The following COL19A1 variants were observed in gnomAD, a reference collection of about 807,000 sequenced individuals.
COL19A1 encodes collagen alpha-1(XIX) chain.
Under a neutral mutation model 190.2 loss-of-function variants are expected in COL19A1, and 159 were observed. The observed-to-expected ratio is 0.84, with a 90% CI of 0.73 to 0.95. COL19A1 has a LOEUF of 0.95. Among genes scored for constraint, COL19A1 ranks in the 40% least tolerant of loss-of-function variants. COL19A1 has a pLI of 0.00. For synonymous variants in COL19A1, 509 were observed against 458.9 expected (o/e 1.11, Z -1.39); for missense variants, 1,418 against 1,431.9 (o/e 0.99, Z 0.16).
intron 31 of COL19A1, 65 bp from the exon 32 acceptor site, chr6:70,156,062 T>G (rs1787409526): frequency 4.8e-6 from 7 of 1,453,956 alleles, no homozygotes; most frequent in African/African-American, 2.8e-5. Flanking sequence ...TCACATCACA[T>G]GAAACCTCAC....
At chr6:70,061,093 T>TTA (rs1780802686) in intron 14 of COL19A1, among the ~76,000 whole-genome samples, 1 of 152,168 alleles carries the variant, frequency 6.6e-6, no homozygotes, top group African/African-American at 2.4e-5. Flanking sequence ...AATCCACTGT[T>TTA]TGACTTTACT....
intron 15 of COL19A1, among the ~76,000 whole-genome samples, chr6:70,075,333 T>A (rs1189863615): frequency 6.6e-6 from 1 of 152,214 alleles, no homozygotes; most frequent in East Asian, 1.9e-4. Flanking sequence ...TCCCTGCATC[T>A]CTGTTTGCAG....
At chr6:70,142,653 A>G (rs547423271) in intron 22 of COL19A1, 114 bp from the exon 23 acceptor site, 1 of 807,808 alleles carries the variant, frequency 1.2e-6, no homozygotes, top group Admixed American at 2.7e-5. Flanking sequence ...GGATGGTGGA[A>G]AGTTGGTCTT....
At chr6:69,967,979 T>G (rs1318349144) in intron 11 of COL19A1, among the ~76,000 whole-genome samples, 1 of 152,192 alleles carries the variant, frequency 6.6e-6, no homozygotes, top group Non-Finnish European at 1.5e-5. Context: ...CTGGGGTTAT[T>G]TATAATAAAG....
intron 42 of COL19A1, among the ~76,000 whole-genome samples, chr6:70,178,703 G>A (rs1765971607): frequency 1.3e-5 from 2 of 152,174 alleles, no homozygotes; most frequent in African/African-American, 4.8e-5. Context: ...GCTGGGGCCT[G>A]CCCACACAGA....
chr6:69,930,668 AT>A (rs1258887914), intron 6 of COL19A1, among the ~76,000 whole-genome samples: 9 of 152,174 alleles, frequency 5.9e-5, no homozygotes, highest in Admixed American at 6.5e-5. Flanking sequence ...AATACAAAAA[AT>A]TAGCCAGATG....
intron 1 of COL19A1, among the ~76,000 whole-genome samples, chr6:69,877,897 C>G (rs545667424): frequency 6.6e-6 from 1 of 151,938 alleles, no homozygotes; most frequent in East Asian, 1.9e-4. Flanking sequence ...CCCAGCTACT[C>G]GAGAGACTGA....
chr6:70,042,486 G>T (rs1779681288), intron 14 of COL19A1, among the ~76,000 whole-genome samples: 1 of 152,158 alleles, frequency 6.6e-6, no homozygotes, highest in Non-Finnish European at 1.5e-5. Context: ...GATCATCTGA[G>T]CCTTCAGTGA....
intron 4 of COL19A1, among the ~76,000 whole-genome samples, chr6:69,910,686 T>G (rs1036866055): frequency 1.4e-4 from 21 of 152,168 alleles, no homozygotes; most frequent in South Asian, 2.1e-4. Context: ...TATATTAGAT[T>G]TTTTTCTTTT....
chr6:69,889,750 A>G (rs1486599588), intron 2 of COL19A1, among the ~76,000 whole-genome samples: 1 of 152,206 alleles, frequency 6.6e-6, no homozygotes, highest in Non-Finnish European at 1.5e-5. Flanking sequence ...AAACACACCA[A>G]TCAGCACTCT....
chr6:70,055,350 A>G lies in COL19A1; in HGVS notation c.1171-13073A>G, dbSNP rs185788280. ...CACTCTAGGCTCATTCATTTATAAA[A>G]TTACACATGTACCAGGTTGTTCATT... On this transcript the variant is annotated intron_variant, in intron 14 of 50. Transcript: ENST00000620364. 3.2e-3 allele frequency among the ~76,000 whole-genome samples: 486 copies of G among 152,256 alleles called. 5 individuals carry two copies. Among genetic ancestry groups the G allele is most frequent in the African/African-American group, 0.011 (446 of 41,556 alleles).
Position 69,916,704 on chromosome 6 carries a change from CT to C in COL19A1, c.267-11203del, listed in dbSNP as rs564710107. 9.2e-5 allele frequency among the ~76,000 whole-genome samples: 14 copies of C among 152,136 alleles called. No individual in the cohort carries two copies. In the South Asian group the frequency reaches 2.9e-3, roughly 32 times the overall value. On this transcript the variant is annotated intron_variant, in intron 4 of 50. Transcript: ENST00000620364. Reference sequence around the variant, plus strand: ...TTGTAAACATTTTATTTATTCATTTCTTGAAATTAATATATTTACTTATATC... The same window carrying C: ...TTGTAAACATTTTATTTATTCATTTCTGAAATTAATATATTTACTTATATC...
At chr6:70,145,067 G>A (rs1786534568) in intron 25 of COL19A1, 60 bp downstream of exon 25, 1 of 1,228,448 alleles carries the variant, frequency 8.1e-7, no homozygotes, top group South Asian at 1.3e-5. Flanking sequence ...CTACTTGTGG[G>A]TTCCTAGTTT....
intron 8 of COL19A1, 60 bp downstream of exon 8, chr6:69,936,970 T>C: frequency 1.3e-6 from 2 of 1,581,886 alleles, no homozygotes; most frequent in African/African-American, 1.3e-5. Flanking sequence ...CCCAGCTCCT[T>C]GAATGTGGCC....
intron 2 of COL19A1, among the ~76,000 whole-genome samples, chr6:69,895,262 C>T (rs1289695199): frequency 2.0e-5 from 3 of 152,230 alleles, no homozygotes; most frequent in Admixed American, 1.3e-4. Flanking sequence ...CCCCAAGGAG[C>T]GACAGAGGGT....
intron 9 of COL19A1, among the ~76,000 whole-genome samples, chr6:69,954,099 A>T (rs1457616413): frequency 6.6e-6 from 1 of 152,042 alleles, no homozygotes; most frequent in Non-Finnish European, 1.5e-5. Context: ...ATGATCACAG[A>T]TGATTGGTAT....
At chr6:70,029,666 C>A (rs1472834971) in intron 12 of COL19A1, among the ~76,000 whole-genome samples, 1 of 152,136 alleles carries the variant, frequency 6.6e-6, no homozygotes, top group Admixed American at 6.6e-5. Context: ...AATGCCATGG[C>A]CTTAACAACA....
intron 15 of COL19A1, among the ~76,000 whole-genome samples, chr6:70,090,202 G>A (rs1345172335): frequency 6.6e-6 from 1 of 151,906 alleles, no homozygotes; most frequent in African/African-American, 2.4e-5. Context: ...TTTGCACATG[G>A]AAATGGAAAT....
chr6:70,094,889 C>G (rs777002743), intron 15 of COL19A1, among the ~76,000 whole-genome samples: 4 of 152,162 alleles, frequency 2.6e-5, no homozygotes, highest in Non-Finnish European at 5.9e-5. Flanking sequence ...TTGTGGGAAT[C>G]TCCTGGCTTC....
Sources: allele counts gnomAD v4.1 joint callset (sites outside exome capture counted in the v4.1 genomes callset), GRCh38; gene constraint gnomAD v4.1.1; transcripts MANE v1.5; gene names NCBI Gene and HGNC (gene_info 2026-07-23, HGNC 2026-07-21).